The following PHIP variants were observed in gnomAD, a reference collection of about 807,000 sequenced individuals.
The protein encoded by PHIP is PH-interacting protein.
A neutral mutation model predicts 236.8 loss-of-function variants in PHIP; 54 were observed. The ratio of observed to expected loss-of-function variants is 0.23; its 90% confidence interval spans 0.18 to 0.29. PHIP has a LOEUF of 0.29. PHIP is among the 10% of genes least tolerant of loss of function. PHIP has a pLI of 1.00. For missense variants in PHIP, 1,370 were observed against 2,190.8 expected, an observed-to-expected ratio of 0.63 and a Z score of 7.48; for synonymous variants, 756 against 718.9, an observed-to-expected ratio of 1.05 and a Z score of -0.83.
chr6:78,979,087 A>AT lies in PHIP; in HGVS notation c.2770-377dup, dbSNP rs542709256. On this transcript the variant is annotated intron_variant, in intron 23 of 39. Coordinates refer to ENST00000275034, the MANE Select transcript of PHIP (RefSeq NM_017934.7). ...AGGTCACATGCAAATACTATATGCC[A>AT]TTTTTTATAAGAGACTTGAACATCC... Among the ~76,000 whole-genome samples the AT allele has an allele frequency of 6.2e-4, 95 of 152,196 alleles. 1 individual carries two copies. The South Asian group carries it at 7.9e-3, about 13-fold the overall frequency.
chr6:79,004,436 C>T (rs987382413), intron 15 of PHIP: 3 of 983,496 alleles, frequency 3.1e-6, no homozygotes, highest in Non-Finnish European at 3.6e-6. Flanking sequence ...CTCCCTGCAA[C>T]CTGTCAATCA....
chr6:79,029,459 G>T (rs1205245328), intron 7 of PHIP, among the ~76,000 whole-genome samples: 4 of 152,236 alleles, frequency 2.6e-5, no homozygotes, highest in Admixed American at 2.0e-4. Flanking sequence ...TAGAAGAACT[G>T]CAGAGGAAAA....
chr6:78,954,530 GA>G (rs961982047), intron 35 of PHIP, among the ~76,000 whole-genome samples: 55 of 148,062 alleles, frequency 3.7e-4, no homozygotes, highest in African/African-American at 8.4e-4. Context: ...GACAAAAAAA[GA>G]AAAAAAAAAT....
chr6:78,954,588 G>A (rs1029401621), intron 35 of PHIP, among the ~76,000 whole-genome samples: 2 of 151,992 alleles, frequency 1.3e-5, no homozygotes, highest in Non-Finnish European at 2.9e-5. Context: ...ACAACTAGTA[G>A]GAACAGAATA....
chr6:78,995,968 C>T (rs1769584300), intron 19 of PHIP, among the ~76,000 whole-genome samples: 1 of 152,192 alleles, frequency 6.6e-6, no homozygotes, highest in Admixed American at 6.5e-5. Context: ...CACAGTCTTG[C>T]TTGACCATAG....
intron 4 of PHIP, among the ~76,000 whole-genome samples, chr6:79,068,828 G>T (rs2127778433): frequency 6.6e-6 from 1 of 152,242 alleles, no homozygotes; most frequent in East Asian, 1.9e-4. Context: ...CCAATTATTT[G>T]ATTTAGCTGT....
At chr6:78,980,566 G>A (rs938873013) in intron 23 of PHIP, among the ~76,000 whole-genome samples, 1 of 152,000 alleles carries the variant, frequency 6.6e-6, no homozygotes, top group African/African-American at 2.4e-5. Flanking sequence ...GGTACAGCGG[G>A]TTTGAGGAAA....
chr6:78,998,272 T>C lies in PHIP; in HGVS notation c.1999A>G (p.Thr667Ala). ...TGCTTACCTCTACTTAAACGGCTGG[T>C]ATTACTGATAACTGCTTCACCAGAA... Reference protein sequence around the residue: ...RRSGEAVISNTSRLSRGSISS... With the variant: ...RRSGEAVISNASRLSRGSISS... The change falls in exon 18 of 40, where the codon ACC (threonine) becomes GCC (alanine). Residue 667 changes from threonine (T) to alanine (A), a missense_variant. Coordinates refer to ENST00000275034, the MANE Select transcript of PHIP (RefSeq NM_017934.7). 1 of 1,610,782 alleles carries C rather than the reference T, an allele frequency of 6.2e-7. No homozygotes were observed.
At chr6:79,018,594 A>G (rs1414455797) in intron 10 of PHIP, among the ~76,000 whole-genome samples, 1 of 151,992 alleles carries the variant, frequency 6.6e-6, no homozygotes, top group Non-Finnish European at 1.5e-5. Flanking sequence ...ATGCTGCTGC[A>G]TAAACACAAA....
At chr6:78,955,061 A>T (rs1766326036) in intron 34 of PHIP, 98 bp from the exon 35 acceptor site, 1 of 958,432 alleles carries the variant, frequency 1.0e-6, no homozygotes. Flanking sequence ...ATATACAATA[A>T]TTCAAACAAA....
chr6:79,033,009 G>T (rs1771746340), intron 7 of PHIP, among the ~76,000 whole-genome samples: 1 of 151,926 alleles, frequency 6.6e-6, no homozygotes, highest in Non-Finnish European at 1.5e-5. Context: ...TTCCATCAGG[G>T]TTCCTGGGTG....
In PHIP at chr6:79,069,813, T is replaced by C. The variant is rs192895650; in HGVS notation, c.189+7635A>G. 7.5e-4 allele frequency among the ~76,000 whole-genome samples: 114 copies of C among 152,080 alleles called. No individual in the cohort carries two copies. The South Asian group carries it at 0.012, about 16-fold the overall frequency. On this transcript the variant is annotated intron_variant, in intron 4 of 39. Coordinates refer to ENST00000275034, the MANE Select transcript of PHIP (RefSeq NM_017934.7). ...AGAACCTTATTAAGTGTAAAAATCT[T>C]GATGGTCTATTTGCTCAAGTAATTG...
rs964670696 is a variant in PHIP, at chr6:78,983,760, T to C, written c.2538-643A>G. Among the ~76,000 whole-genome samples the C allele has an allele frequency of 2.0e-5, 3 of 152,312 alleles. 1 individual carries two copies. Among genetic ancestry groups the C allele is most frequent in the South Asian group, 4.1e-4 (2 of 4,830 alleles). On this transcript the variant is annotated intron_variant, in intron 22 of 39. Coordinates refer to ENST00000275034, the MANE Select transcript of PHIP (RefSeq NM_017934.7). ...CACCCTACACGTTAGGTGTATCTTA[T>C]GCTTCAAAGCATGCCATGATTCAGA...
intron 9 of PHIP, among the ~76,000 whole-genome samples, chr6:79,021,428 G>T (rs532723503): frequency 1.3e-5 from 2 of 152,206 alleles, no homozygotes; most frequent in African/African-American, 4.8e-5. Flanking sequence ...GATCACAGGC[G>T]TGAGCCAACA....
At chr6:79,007,275 T>A (rs764329315) in intron 15 of PHIP, among the ~76,000 whole-genome samples, 1 of 152,114 alleles carries the variant, frequency 6.6e-6, no homozygotes, top group Non-Finnish European at 1.5e-5. Context: ...GATGAATGAT[T>A]AGACAGAGGA....
At chr6:79,004,490 GCTT>G in intron 15 of PHIP, 1 of 741,426 alleles carries the variant, frequency 1.3e-6, no homozygotes, top group Non-Finnish European at 1.6e-6. Context: ...TGCTCTCAGT[GCTT>G]CTTCAGACTA....
At chr6:79,008,895 C>T (rs559850430) in intron 15 of PHIP, among the ~76,000 whole-genome samples, 6 of 152,062 alleles carry the variant, frequency 3.9e-5, no homozygotes, top group South Asian at 2.1e-4. Flanking sequence ...CAAGGTCACC[C>T]GGGCTTAACA....
intron 4 of PHIP, 24 bp from the exon 5 acceptor site, chr6:79,060,842 G>A (rs143400845): frequency 6.9e-7 from 1 of 1,447,270 alleles, no homozygotes; most frequent in East Asian, 2.4e-5. Context: ...GACAAATATA[G>A]TAGGTTTCAG....
At chr6:79,009,928 G>A (rs948831121) in intron 15 of PHIP, among the ~76,000 whole-genome samples, 5 of 151,798 alleles carry the variant, frequency 3.3e-5, no homozygotes, top group Admixed American at 3.3e-4. Flanking sequence ...AATTACTAAA[G>A]TGTATGGTAA....
Sources: gnomAD v4.1 joint callset for allele counts (sites outside exome capture counted in the v4.1 genomes callset) on GRCh38, gnomAD v4.1.1 for gene constraint, MANE v1.5 for transcripts, NCBI Gene and HGNC (gene_info 2026-07-23, HGNC 2026-07-21) for gene names.